The following TTC7A variants were observed in gnomAD, a reference collection of about 807,000 sequenced individuals.
TTC7A encodes the protein tetratricopeptide repeat protein 7A.
Under a neutral mutation model 103.7 loss-of-function variants are expected in TTC7A, and 110 were observed. The ratio of observed to expected loss-of-function variants is 1.06; its 90% CI spans 0.91 to 1.24. TTC7A has a LOEUF of 1.24. TTC7A is among the 50% of genes most tolerant of loss of function. The probability of loss-of-function intolerance (pLI) is 0.00; values close to 1 mark genes in which losing one functional copy is unlikely to be tolerated. For synonymous variants in TTC7A, 521 were observed against 467.9 expected (o/e 1.11, Z -1.47); for missense variants, 1,340 against 1,116.3 (o/e 1.20, Z -2.86).
chr2:46,978,742 T>G (rs2104266894), intron 4 of TTC7A, 50 bp from the exon 5 acceptor site: 1 of 1,496,332 alleles, frequency 6.7e-7, no homozygotes, highest in Non-Finnish European at 9.3e-7. Flanking sequence ...TGAGTGACCC[T>G]CTGCCTCAGA....
intron 8 of TTC7A, among the ~76,000 whole-genome samples, chr2:47,005,172 G>A (rs1256699514): frequency 6.6e-6 from 1 of 152,216 alleles, no homozygotes; most frequent in Non-Finnish European, 1.5e-5. Flanking sequence ...AGGGACGGAG[G>A]AGAGTTTCCA....
intron 8 of TTC7A, among the ~76,000 whole-genome samples, chr2:47,004,917 C>G (rs1677212625): frequency 6.6e-6 from 1 of 152,136 alleles, no homozygotes; most frequent in African/African-American, 2.4e-5. Context: ...TAGAGGTGGG[C>G]AGAGGGGTGG....
intron 2 of TTC7A, among the ~76,000 whole-genome samples, chr2:46,930,909 AAT>A (rs1669667881): frequency 6.6e-6 from 1 of 152,218 alleles, no homozygotes; most frequent in Non-Finnish European, 1.5e-5. Context: ...AAAAGAAAAA[AAT>A]ATATATACCC....
At position 46,993,441 on chromosome 2, in the gene TTC7A, T is replaced by C; in HGVS notation, c.765-9T>C. The C allele has an allele frequency of 6.2e-7, 1 of 1,614,066 alleles. No individual in the cohort carries two copies. The highest frequency in any genetic ancestry group is 8.5e-7 in the Non-Finnish European group (1 of 1,179,922). ...GGTAACAAATCTACTTCTGCCGTCC[T>C]CCCACCAGGAACATCGTGAAGGGCA... On this transcript the variant is annotated splice_polypyrimidine_tract_variant and intron_variant, in intron 5 of 19. Coordinates refer to ENST00000319190, the MANE Select transcript of TTC7A (RefSeq NM_020458.4).
chr2:47,016,692 C>T (rs1678691493), intron 11 of TTC7A, among the ~76,000 whole-genome samples: 1 of 152,198 alleles, frequency 6.6e-6, no homozygotes, highest in Admixed American at 6.5e-5. Context: ...GCTGCAGAAG[C>T]AGCAGCCTGG....
intron 16 of TTC7A, among the ~76,000 whole-genome samples, 160 bp from the exon 17 acceptor site, chr2:47,049,789 A>C (rs1021160670): frequency 1.3e-5 from 2 of 152,058 alleles, no homozygotes; most frequent in Non-Finnish European, 2.9e-5. Context: ...TGGTGACTTC[A>C]GCTCTGTCTT....
intron 19 of TTC7A, among the ~76,000 whole-genome samples, chr2:47,073,176 C>G (rs987517262): frequency 1.3e-5 from 2 of 152,206 alleles, no homozygotes; most frequent in African/African-American, 4.8e-5. Context: ...GTAATGCGTC[C>G]TCCTCCGTCT....
intron 3 of TTC7A, chr2:46,958,449 G>T: frequency 7.7e-7 from 1 of 1,290,772 alleles, no homozygotes; most frequent in Non-Finnish European, 1.0e-6. Flanking sequence ...CCTGAGCCTG[G>T]CTCAGGATGG....
At chr2:46,999,278 C>T (rs1312499627) in intron 8 of TTC7A, among the ~76,000 whole-genome samples, 1 of 152,074 alleles carries the variant, frequency 6.6e-6, no homozygotes, top group Non-Finnish European at 1.5e-5. Context: ...ATCCATCCAC[C>T]TCCCATTCAT....
intron 3 of TTC7A, among the ~76,000 whole-genome samples, chr2:46,967,944 G>C (rs2104147947): frequency 6.6e-6 from 1 of 152,106 alleles, no homozygotes; most frequent in East Asian, 1.9e-4. Context: ...CCCAAGTCTG[G>C]GATTCATCTT....
intron 19 of TTC7A, among the ~76,000 whole-genome samples, 155 bp from the exon 20 acceptor site, chr2:47,073,547 A>G (rs1684954988): frequency 1.3e-5 from 2 of 152,188 alleles, no homozygotes; most frequent in South Asian, 4.1e-4. Context: ...TTGTATGGGG[A>G]AAGGCACAGT....
At chr2:47,016,032 G>T (rs551707441) in intron 11 of TTC7A, among the ~76,000 whole-genome samples, 2 of 152,322 alleles carry the variant, frequency 1.3e-5, no homozygotes, top group South Asian at 4.2e-4. Flanking sequence ...GAGGAACGAG[G>T]GTGAAGATTC....
At chr2:46,961,390 T>C (rs1672353277) in intron 3 of TTC7A, among the ~76,000 whole-genome samples, 1 of 151,760 alleles carries the variant, frequency 6.6e-6, no homozygotes, top group Non-Finnish European at 1.5e-5. Context: ...TCCTGGCTAA[T>C]GCAGGTGAAA....
chr2:46,953,836 A>AT (rs1671612974), intron 2 of TTC7A, among the ~76,000 whole-genome samples: 1 of 139,106 alleles, frequency 7.2e-6, no homozygotes, highest in African/African-American at 2.7e-5. Flanking sequence ...TTTTTTTTCA[A>AT]TTTTTTGTAG....
At chr2:47,022,222 C>T (rs1197554685) in intron 12 of TTC7A, among the ~76,000 whole-genome samples, 3 of 152,206 alleles carry the variant, frequency 2.0e-5, no homozygotes, top group Non-Finnish European at 4.4e-5. Context: ...CCTTCCTCTC[C>T]CCTCTTCATG....
At chr2:47,047,242 T>C in intron 16 of TTC7A, 1 of 1,464,702 alleles carries the variant, frequency 6.8e-7, no homozygotes, top group Non-Finnish European at 9.3e-7. Flanking sequence ...GACCCCAGTC[T>C]GGTGTATATT....
chr2:47,034,861 C>T (rs1461735965), intron 15 of TTC7A, among the ~76,000 whole-genome samples: 1 of 152,178 alleles, frequency 6.6e-6, no homozygotes, highest in African/African-American at 2.4e-5. Context: ...CCCGGAGACC[C>T]TCCCCAGTAC....
chr2:46,942,894 TTTTG>T (rs370525644), intron 1 of TTC7A, among the ~76,000 whole-genome samples: 6,386 of 151,930 alleles, frequency 0.042, 166 homozygotes, highest in Middle Eastern at 0.079. Context: ...TTGTTTTTGT[TTTTG>T]TTTGTTTGTT....
chr2:47,020,001 T>C (rs1679100420), intron 11 of TTC7A, among the ~76,000 whole-genome samples: 1 of 152,144 alleles, frequency 6.6e-6, no homozygotes, highest in Non-Finnish European at 1.5e-5. Context: ...CCTGATAAGC[T>C]CTTGGAGTTC....
Sources: allele counts gnomAD v4.1 joint callset (sites outside exome capture counted in the v4.1 genomes callset), GRCh38; gene constraint gnomAD v4.1.1; transcripts MANE v1.5; gene names NCBI Gene and HGNC (gene_info 2026-07-23, HGNC 2026-07-21).